DIAPH3: variants seen among roughly 807,000 people sequenced by gnomAD.
The protein encoded by DIAPH3 is protein diaphanous homolog 3.
Under a neutral mutation model 144.3 loss-of-function variants are expected in DIAPH3, and 117 were observed. The ratio of observed to expected loss-of-function variants is 0.81; its 90% CI spans 0.70 to 0.95. The LOEUF (loss-of-function observed/expected upper bound fraction) is 0.95, where lower values mean the gene tolerates loss of function less well. Among genes scored for constraint, DIAPH3 ranks in the 40% least tolerant of loss-of-function variants. The pLI is 0.00. For synonymous variants in DIAPH3, 519 were observed against 488.9 expected, an observed-to-expected ratio of 1.06 and a Z score of -0.81; for missense variants, 1,421 against 1,412.7, an observed-to-expected ratio of 1.01 and a Z score of -0.09.
At chr13:59,811,065 T>C in intron 24 of DIAPH3, 142 bp from the exon 25 acceptor site, 1 of 778,092 alleles carries the variant, frequency 1.3e-6, no homozygotes, top group Non-Finnish European at 2.0e-6. Context: ...TACAGTCTTC[T>C]AAAAGGTATG....
intron 24 of DIAPH3, among the ~76,000 whole-genome samples, chr13:59,813,254 G>A (rs2040585645): frequency 6.6e-6 from 1 of 151,938 alleles, no homozygotes; most frequent in African/African-American, 2.4e-5. Flanking sequence ...TAGCCTGTTA[G>A]TAGGTAAACT....
chr13:59,897,585 T>TA (rs1182452240), intron 20 of DIAPH3, among the ~76,000 whole-genome samples: 3 of 151,096 alleles, frequency 2.0e-5, no homozygotes, highest in African/African-American at 7.3e-5. Flanking sequence ...CCGTCTCTAC[T>TA]AAAAATCCAA....
At chr13:59,801,670 G>A (rs2039907264) in intron 25 of DIAPH3, among the ~76,000 whole-genome samples, 1 of 152,104 alleles carries the variant, frequency 6.6e-6, no homozygotes, top group African/African-American at 2.4e-5. Flanking sequence ...TATTCTTCCT[G>A]CCTTGGGGCA....
chr13:60,046,528 G>C (rs2056075509), intron 4 of DIAPH3, among the ~76,000 whole-genome samples: 1 of 152,188 alleles, frequency 6.6e-6, no homozygotes, highest in South Asian at 2.1e-4. Context: ...GTTGGTGAGA[G>C]TGTAAATAGT....
intron 27 of DIAPH3, among the ~76,000 whole-genome samples, chr13:59,732,399 T>TA (rs529523184): frequency 1.9e-3 from 289 of 151,444 alleles, no homozygotes; most frequent in African/African-American, 6.5e-3. Context: ...TTGTCCTATT[T>TA]ATAATTCAGT....
Position 59,879,403 on chromosome 13 carries a change from C to A in DIAPH3, c.2433G>T (p.Glu811Asp). Residue 811 changes from glutamate to aspartate, a missense_variant, in exon 21 of 28, where the codon GAG (glutamate) becomes GAT (aspartate). By Grantham distance (45) the Glu-to-Asp change is conservative. Coordinates refer to ENST00000400324, the MANE Select transcript of DIAPH3 (RefSeq NM_001042517.2). ...SAILFKLQFEEQVNNIKPDIM... is the reference protein window; with the variant it reads ...SAILFKLQFEDQVNNIKPDIM... ...TGTCAGGTTTGATGTTGTTCACCTG[C>A]TCTTCAAACTGAAGCTTAAAGAGAA... The A allele has an allele frequency of 6.2e-7, 1 of 1,613,866 alleles. No individual in the cohort carries two copies. The highest frequency in any genetic ancestry group is 8.5e-7 in the Non-Finnish European group (1 of 1,179,840).
chr13:60,030,771 A>G (rs2054728871), intron 5 of DIAPH3, among the ~76,000 whole-genome samples: 1 of 152,210 alleles, frequency 6.6e-6, no homozygotes, highest in African/African-American at 2.4e-5. Context: ...ACATGTGGCT[A>G]TTTAAATTCT....
At chr13:59,823,256 G>A (rs2041175816) in intron 24 of DIAPH3, among the ~76,000 whole-genome samples, 1 of 152,120 alleles carries the variant, frequency 6.6e-6, no homozygotes, top group Non-Finnish European at 1.5e-5. Context: ...TTACTGTGAA[G>A]AACTTAAAGA....
chr13:59,732,392 T>A (rs1248173600), intron 27 of DIAPH3, among the ~76,000 whole-genome samples: 289 of 151,352 alleles, frequency 1.9e-3, no homozygotes, highest in African/African-American at 6.5e-3. Context: ...AATTGTTTTG[T>A]CCTATTTATA....
intron 27 of DIAPH3, among the ~76,000 whole-genome samples, chr13:59,757,693 C>T (rs1398049485): frequency 6.6e-6 from 1 of 152,102 alleles, no homozygotes; most frequent in Non-Finnish European, 1.5e-5. Context: ...AGCCACCGCG[C>T]CCGGCCTATT....
intron 27 of DIAPH3, among the ~76,000 whole-genome samples, chr13:59,769,636 T>A (rs781686365): frequency 6.6e-6 from 1 of 151,858 alleles, no homozygotes; most frequent in Non-Finnish European, 1.5e-5. Context: ...TGCCATGAAG[T>A]CCTTTCAATC....
chr13:59,983,205 T>TAAA (rs5803980), intron 13 of DIAPH3, among the ~76,000 whole-genome samples: 1 of 125,100 alleles, frequency 8.0e-6, no homozygotes, highest in African/African-American at 3.0e-5. Flanking sequence ...ATTCCAAGTT[T>TAAA]AAAAAAAAAA....
intron 12 of DIAPH3, among the ~76,000 whole-genome samples, chr13:59,990,307 T>A (rs339527): frequency 6.6e-6 from 1 of 151,372 alleles, no homozygotes; most frequent in Non-Finnish European, 1.5e-5. Context: ...AGTCATACCC[T>A]CTGATGTTAC....
intron 20 of DIAPH3, among the ~76,000 whole-genome samples, chr13:59,910,042 T>C (rs1043907549): frequency 6.6e-6 from 1 of 152,202 alleles, no homozygotes; most frequent in Non-Finnish European, 1.5e-5. Context: ...ACTATAATGG[T>C]AGGCAACATA....
At chr13:60,040,061 C>A (rs1028379439) in intron 5 of DIAPH3, among the ~76,000 whole-genome samples, 2 of 151,562 alleles carry the variant, frequency 1.3e-5, no homozygotes, top group Admixed American at 6.6e-5. Context: ...TATGGTGAGG[C>A]CTGTCTCTAC....
chr13:59,927,466 T>A (rs1375427527), intron 17 of DIAPH3, among the ~76,000 whole-genome samples: 2 of 152,196 alleles, frequency 1.3e-5, no homozygotes, highest in East Asian at 3.9e-4. Context: ...TCCTTTCTCA[T>A]TTGTGTGTCT....
At position 59,862,332 on chromosome 13, in the gene DIAPH3, G is replaced by C. The variant is rs563229601; in HGVS notation, c.2608-796C>G. 3.3e-5 allele frequency among the ~76,000 whole-genome samples: 5 copies of C among 152,300 alleles called. No individual in the cohort carries two copies. In the East Asian group the frequency reaches 7.7e-4, roughly 23 times the overall value. ...GGATTTTGATTTTGAAGCAATATAAGTTTTCCAACTAGATGAGAGATGATC... is the reference window on the plus strand; with the variant it reads ...GGATTTTGATTTTGAAGCAATATAACTTTTCCAACTAGATGAGAGATGATC... On this transcript the variant is annotated intron_variant, in intron 21 of 27. Coordinates refer to ENST00000400324, the MANE Select transcript of DIAPH3 (RefSeq NM_001042517.2).
intron 24 of DIAPH3, among the ~76,000 whole-genome samples, chr13:59,826,266 G>C (rs1177625145): frequency 1.1e-5 from 1 of 93,162 alleles, no homozygotes; most frequent in East Asian, 3.8e-4. Context: ...TGACATGATT[G>C]TATATCTAGA....
At chr13:59,869,986 C>T (rs1247884882) in intron 21 of DIAPH3, among the ~76,000 whole-genome samples, 1 of 152,078 alleles carries the variant, frequency 6.6e-6, no homozygotes, top group East Asian at 1.9e-4. Flanking sequence ...TAATAAAGTT[C>T]AATTTATCAA....
Sources: gnomAD v4.1 joint callset for allele counts (sites outside exome capture counted in the v4.1 genomes callset) on GRCh38, gnomAD v4.1.1 for gene constraint, MANE v1.5 for transcripts, NCBI Gene and HGNC (gene_info 2026-07-23, HGNC 2026-07-21) for gene names.